ELMO1: variants seen among roughly 807,000 people sequenced by gnomAD.
ELMO1 encodes the protein engulfment and cell motility protein 1.
In ELMO1, 26 loss-of-function variants were observed where a neutral mutation model predicts 98.9. The ratio of observed to expected loss-of-function variants is 0.26; its 90% CI spans 0.19 to 0.36. The LOEUF is 0.36. Among genes scored for constraint, ELMO1 ranks in the 10% least tolerant of loss-of-function variants. The pLI, the probability that ELMO1 is intolerant of heterozygous loss-of-function variation, is 1.00. For missense variants in ELMO1, 627 were observed against 935.2 expected (o/e 0.67, Z 4.30); for synonymous variants, 346 against 346.0 (o/e 1.00, Z 0.00).
intron 15 of ELMO1, among the ~76,000 whole-genome samples, chr7:37,070,833 G>A (rs1426154700): frequency 6.6e-6 from 1 of 152,054 alleles, no homozygotes; most frequent in Admixed American, 6.6e-5. Flanking sequence ...TTCTCTTCTG[G>A]GACATTCCTT....
At chr7:36,977,818 A>G (rs1463494513) in intron 16 of ELMO1, among the ~76,000 whole-genome samples, 1 of 152,244 alleles carries the variant, frequency 6.6e-6, no homozygotes, top group Non-Finnish European at 1.5e-5. Context: ...AGTTTTTGAA[A>G]GTGGATAAAT....
At position 37,322,896 on chromosome 7, in the gene ELMO1, T is replaced by C. The variant is rs532672154; in HGVS notation, c.79-6936A>G. Among the ~76,000 whole-genome samples the C allele has an allele frequency of 1.2e-4, 19 of 152,300 alleles. No homozygotes were observed. The South Asian group carries it at 3.3e-3, about 27-fold the overall frequency. On this transcript the variant is annotated intron_variant, in intron 2 of 21. Coordinates refer to ENST00000310758, the MANE Select transcript of ELMO1 (RefSeq NM_014800.11). ...TTCCATAATTTATACAAATCATCAC[T>C]AAATATCTTAAGCTTTTTGTTTGGA... is the stretch of plus-strand genomic sequence containing the variant.
chr7:36,985,178 C>T, intron 16 of ELMO1: 2 of 916,714 alleles, frequency 2.2e-6, no homozygotes, highest in Non-Finnish European at 1.3e-6. Flanking sequence ...CTCAGAGCAT[C>T]CCTTTCCTGG....
chr7:37,037,277 A>C (rs1795230328), intron 15 of ELMO1, among the ~76,000 whole-genome samples: 2 of 152,218 alleles, frequency 1.3e-5, no homozygotes, highest in African/African-American at 4.8e-5. Flanking sequence ...GTTCCTGTGC[A>C]TTATGTGGAA....
chr7:37,021,444 A>G (rs1225345525), intron 15 of ELMO1, among the ~76,000 whole-genome samples: 2 of 152,058 alleles, frequency 1.3e-5, no homozygotes, highest in East Asian at 1.9e-4. Flanking sequence ...TGGAGAGAGG[A>G]AAAAAAATAC....
At chr7:36,954,789 G>A (rs1425561605) in intron 16 of ELMO1, among the ~76,000 whole-genome samples, 2 of 152,088 alleles carry the variant, frequency 1.3e-5, no homozygotes, top group Admixed American at 1.3e-4. Flanking sequence ...TCGGTCCACT[G>A]TCTTCGCAAC....
intron 14 of ELMO1, among the ~76,000 whole-genome samples, chr7:37,124,645 C>G (rs1786361948): frequency 6.6e-6 from 1 of 152,166 alleles, no homozygotes; most frequent in Non-Finnish European, 1.5e-5. Context: ...AGGATACAAA[C>G]AAATGGAAGA....
intron 1 of ELMO1, among the ~76,000 whole-genome samples, chr7:37,377,559 G>A (rs919263260): frequency 2.6e-5 from 4 of 152,114 alleles, no homozygotes; most frequent in African/African-American, 9.7e-5. Context: ...TGGGGAGAAG[G>A]TAGATATACT....
At chr7:37,428,979 T>C (rs1804819051) in intron 1 of ELMO1, among the ~76,000 whole-genome samples, 1 of 152,212 alleles carries the variant, frequency 6.6e-6, no homozygotes, top group Non-Finnish European at 1.5e-5. Flanking sequence ...TCTGTGCAAC[T>C]CTATTTCATC....
chr7:37,201,468 G>A (rs1330535640), intron 13 of ELMO1, among the ~76,000 whole-genome samples: 1 of 152,190 alleles, frequency 6.6e-6, no homozygotes, highest in Non-Finnish European at 1.5e-5. Context: ...CTGGGAATGA[G>A]AGTTGGGAGA....
At chr7:37,086,366 G>GTT (rs1471204946) in intron 15 of ELMO1, among the ~76,000 whole-genome samples, 1 of 150,496 alleles carries the variant, frequency 6.6e-6, no homozygotes, top group Admixed American at 6.6e-5. Context: ...GTGTGTGTGT[G>GTT]TGAAGAGAAG....
chr7:36,984,473 C>G (rs1791348243), intron 16 of ELMO1, among the ~76,000 whole-genome samples: 1 of 152,194 alleles, frequency 6.6e-6, no homozygotes, highest in Admixed American at 6.5e-5. Context: ...TCGCCCTCAC[C>G]CTGCCTTGAG....
intron 13 of ELMO1, among the ~76,000 whole-genome samples, chr7:37,174,933 C>T (rs911476124): frequency 1.3e-4 from 20 of 152,002 alleles, no homozygotes; most frequent in African/African-American, 4.6e-4. Flanking sequence ...CAGCATAAAG[C>T]GACATTTTCT....
chr7:37,145,840 A>T (rs191642719), intron 13 of ELMO1, among the ~76,000 whole-genome samples: 1 of 152,210 alleles, frequency 6.6e-6, no homozygotes, highest in African/African-American at 2.4e-5. Context: ...ATCTATGAAA[A>T]GCCCTATTCA....
intron 1 of ELMO1, among the ~76,000 whole-genome samples, chr7:37,367,602 A>G (rs1801954388): frequency 1.3e-5 from 2 of 152,244 alleles, no homozygotes; most frequent in South Asian, 4.1e-4. Flanking sequence ...ATGGAAGACT[A>G]GAGAAGACTA....
At chr7:36,931,751 T>C (rs1371950632) in intron 16 of ELMO1, among the ~76,000 whole-genome samples, 1 of 152,206 alleles carries the variant, frequency 6.6e-6, no homozygotes, top group East Asian at 1.9e-4. Flanking sequence ...ACATGCAACC[T>C]GAACACAAAT....
intron 15 of ELMO1, among the ~76,000 whole-genome samples, chr7:37,055,655 C>T (rs1398503341): frequency 6.6e-6 from 1 of 152,148 alleles, no homozygotes; most frequent in Admixed American, 6.5e-5. Flanking sequence ...TATTTTGTCT[C>T]CCTGAATTCT....
At chr7:37,398,520 T>C (rs562993269) in intron 1 of ELMO1, among the ~76,000 whole-genome samples, 2 of 152,214 alleles carry the variant, frequency 1.3e-5, no homozygotes, top group African/African-American at 2.4e-5. Flanking sequence ...TTTCCAGGAT[T>C]GTATTTACTT....
At chr7:37,223,359 A>T (rs1793702459) in intron 9 of ELMO1, among the ~76,000 whole-genome samples, 1 of 152,212 alleles carries the variant, frequency 6.6e-6, no homozygotes, top group Non-Finnish European at 1.5e-5. Flanking sequence ...GGCCAGTGAG[A>T]GAGAGGTGGA....
Sources: gnomAD v4.1 joint callset for allele counts (sites outside exome capture counted in the v4.1 genomes callset) on GRCh38, gnomAD v4.1.1 for gene constraint, MANE v1.5 for transcripts, NCBI Gene and HGNC (gene_info 2026-07-23, HGNC 2026-07-21) for gene names.